The following MTA3 variants were observed in gnomAD, a reference collection of about 807,000 sequenced individuals.
MTA3 encodes the protein metastasis-associated protein MTA3.
In MTA3, 34 loss-of-function variants were observed where a neutral mutation model predicts 83.5. The observed-to-expected ratio is 0.41, with a 90% CI of 0.31 to 0.54. MTA3 has a LOEUF of 0.54. Among genes scored for constraint, MTA3 ranks in the 20% least tolerant of loss-of-function variants. MTA3 has a pLI of 0.33. For missense variants in MTA3, 761 were observed against 726.4 expected (o/e 1.05, Z -0.55); for synonymous variants, 303 against 252.7 (o/e 1.20, Z -1.89).
At chr2:42,732,071 T>A (rs1490879736) in intron 16 of MTA3, among the ~76,000 whole-genome samples, 1 of 152,208 alleles carries the variant, frequency 6.6e-6, no homozygotes, top group Non-Finnish European at 1.5e-5. Flanking sequence ...AAACTGTTGG[T>A]GGATCTGCCA....
rs1444719039 is a variant in MTA3 at position 42,576,894 on chromosome 2, CAACA to C, written c.97-2202_97-2199del. ...CCTGGGCAACAGTGAAACTCCATCTCAACAAACAAACAAAAAAACCAAAACAAAA... is the reference window on the plus strand; with the variant it reads ...CCTGGGCAACAGTGAAACTCCATCTCAACAAACAAAAAAACCAAAACAAAA... On this transcript the variant is annotated intron_variant, in intron 2 of 16. Transcript: ENST00000405094. Among the ~76,000 whole-genome samples the C allele has an allele frequency of 7.3e-5, 11 of 151,176 alleles. No homozygotes were observed. In the East Asian group the frequency reaches 1.6e-3, roughly 21 times the overall value.
intron 2 of MTA3, among the ~76,000 whole-genome samples, chr2:42,547,097 G>A (rs1247962055): frequency 2.0e-5 from 3 of 152,100 alleles, no homozygotes; most frequent in African/African-American, 7.2e-5. Context: ...CAGATTCCCT[G>A]GCCCCTCCCC....
chr2:42,726,929 G>C (rs1447766634), intron 16 of MTA3, among the ~76,000 whole-genome samples: 1 of 152,174 alleles, frequency 6.6e-6, no homozygotes, highest in East Asian at 1.9e-4. Flanking sequence ...GTGGTGGCTT[G>C]CACTGGTAAT....
At chr2:42,531,206 C>T (rs1675948886) in intron 2 of MTA3, among the ~76,000 whole-genome samples, 2 of 152,142 alleles carry the variant, frequency 1.3e-5, no homozygotes, top group South Asian at 2.1e-4. Flanking sequence ...CTGCCAGCAC[C>T]TTTACCTTGG....
At chr2:42,587,816 G>T (rs1680521006) in intron 3 of MTA3, among the ~76,000 whole-genome samples, 2 of 152,174 alleles carry the variant, frequency 1.3e-5, no homozygotes, top group South Asian at 4.1e-4. Context: ...TGGCCAGATT[G>T]GTCTTGAACT....
At chr2:42,532,844 A>G in intron 2 of MTA3, 2 of 388,542 alleles carry the variant, frequency 5.1e-6, no homozygotes, top group Non-Finnish European at 5.1e-6. Flanking sequence ...CTCTGGGTGG[A>G]GCTGGCTGGC....
intron 10 of MTA3, among the ~76,000 whole-genome samples, chr2:42,697,376 T>C (rs1340394212): frequency 6.6e-6 from 1 of 152,040 alleles, no homozygotes; most frequent in Admixed American, 6.5e-5. Context: ...AATATTTTTC[T>C]AAAAGCAGAG....
Position 42,528,294 on chromosome 2 carries a change from C to T in MTA3, c.-141+33040C>T, listed in dbSNP as rs184569274. On this transcript the variant is annotated intron_variant, in intron 2 of 17. Coordinates refer to the MTA3 transcript ENST00000405592. ...GGAGTGCGGTGGCGTGATCTCGGCT[C>T]CTGCAGCCTCCGCCTCCCAGGTCCA... Among the ~76,000 whole-genome samples the T allele has an allele frequency of 7.5e-4, 112 of 149,802 alleles. 1 individual carries two copies. In the East Asian group the frequency reaches 7.8e-3, roughly 10 times the overall value.
At chr2:42,566,909 T>TA (rs1558439607), upstream of MTA3, among the ~76,000 whole-genome samples, 1 of 152,222 alleles carries the variant, frequency 6.6e-6, no homozygotes, top group Non-Finnish European at 1.5e-5. Context: ...GCTGCCAGTT[T>TA]ACTGTGTGAT....
chr2:42,500,162 G>A (rs139981561), intron 2 of MTA3, among the ~76,000 whole-genome samples: 5,791 of 152,206 alleles, frequency 0.038, 155 homozygotes, highest in South Asian at 0.092. Context: ...ACTTTGTGAG[G>A]CTGAGGCAGG....
chr2:42,654,949 C>T (rs1173151353), intron 6 of MTA3, among the ~76,000 whole-genome samples: 1 of 150,642 alleles, frequency 6.6e-6, no homozygotes, highest in Non-Finnish European at 1.5e-5. Context: ...GCTGTGAGTA[C>T]AGCTCACAAA....
intron 3 of MTA3, among the ~76,000 whole-genome samples, chr2:42,591,542 C>CT (rs1558468670): frequency 6.6e-6 from 1 of 152,166 alleles, no homozygotes; most frequent in East Asian, 1.9e-4. Flanking sequence ...CTTTTTGACT[C>CT]TTGTAATAAC....
At chr2:42,662,089 A>T (rs542791045) in intron 8 of MTA3, among the ~76,000 whole-genome samples, 43 of 152,182 alleles carry the variant, frequency 2.8e-4, no homozygotes, top group Non-Finnish European at 5.6e-4. Flanking sequence ...ATTGAGATCT[A>T]GCCGTGTTAA....
At chr2:42,715,320 C>G (rs774676205) in intron 14 of MTA3, among the ~76,000 whole-genome samples, 2 of 150,948 alleles carry the variant, frequency 1.3e-5, no homozygotes, top group Non-Finnish European at 2.9e-5. Flanking sequence ...AACAACTTTT[C>G]TTATGTTAAA....
intron 4 of MTA3, among the ~76,000 whole-genome samples, chr2:42,621,879 C>T (rs950573126): frequency 2.0e-5 from 3 of 149,432 alleles, no homozygotes; most frequent in South Asian, 4.2e-4. Context: ...CAGAGATGCT[C>T]CTCACTTCCT....
chr2:42,685,621 A>T (rs1692305195), intron 9 of MTA3, among the ~76,000 whole-genome samples: 1 of 152,138 alleles, frequency 6.6e-6, no homozygotes, highest in Non-Finnish European at 1.5e-5. Flanking sequence ...GATGCAAGGG[A>T]GTCTGGGAAA....
chr2:42,508,702 G>A lies in MTA3; in HGVS notation c.-141+13448G>A, dbSNP rs577205291. On this transcript the variant is annotated intron_variant, in intron 2 of 17. Coordinates refer to the MTA3 transcript ENST00000405592. ...ACTGTAACAAATATACAACTCTGGT[G>A]AGGGATATTAGTTAAGGGGGGAATA... Among the ~76,000 whole-genome samples, 18 of 150,338 alleles carry A rather than the reference G, an allele frequency of 1.2e-4. No individual in the cohort carries two copies. The East Asian group carries it at 3.3e-3, about 28-fold the overall frequency.
At chr2:42,535,114 C>A (rs140816125) in intron 2 of MTA3, among the ~76,000 whole-genome samples, 3 of 152,046 alleles carry the variant, frequency 2.0e-5, no homozygotes, top group South Asian at 4.2e-4. Context: ...AGGCTGGGCG[C>A]GGTGGCTCAC....
chr2:42,656,363 T>A (rs1689171793), intron 7 of MTA3, 61 bp downstream of exon 7: 3 of 1,018,204 alleles, frequency 2.9e-6, no homozygotes, highest in South Asian at 3.6e-5. Flanking sequence ...AATTTATAGG[T>A]ATATGTATTT....
Sources: allele counts gnomAD v4.1 joint callset (sites outside exome capture counted in the v4.1 genomes callset), GRCh38; gene constraint gnomAD v4.1.1; transcripts MANE v1.5; gene names NCBI Gene and HGNC (gene_info 2026-07-23, HGNC 2026-07-21).